SULT1C4: variants seen among roughly 807,000 people sequenced by gnomAD.
SULT1C4 encodes sulfotransferase family 1C member 4.
Under a neutral mutation model 34.8 loss-of-function variants are expected in SULT1C4, and 32 were observed. That is an observed-to-expected ratio of 0.92 (90% CI 0.69 to 1.23). The LOEUF is 1.23. Among genes scored for constraint, SULT1C4 ranks in the 50% most tolerant of loss-of-function variants. The probability of loss-of-function intolerance (pLI) is 0.00; values close to 1 mark genes in which losing one functional copy is unlikely to be tolerated. For synonymous variants in SULT1C4, 111 were observed against 120.5 expected (o/e 0.92, Z 0.51); for missense variants, 375 against 365.9 (o/e 1.02, Z -0.20).
chr2:108,383,315 T>C, intron 4 of SULT1C4, 96 bp downstream of exon 4: 1 of 1,588,898 alleles, frequency 6.3e-7, no homozygotes, highest in Non-Finnish European at 8.6e-7. Context: ...GGGCTCTGCC[T>C]TCTTTAATGG....
intron 2 of SULT1C4, 111 bp from the exon 3 acceptor site, chr2:108,382,274 A>G (rs754962261): frequency 5.8e-6 from 5 of 863,732 alleles, no homozygotes; most frequent in Non-Finnish European, 9.7e-6. Flanking sequence ...CTACAGTTAC[A>G]ATGTTCTTAT....
At position 108,383,182 on chromosome 2, in the gene SULT1C4, A is replaced by G. The variant is rs775494072; in HGVS notation, c.483A>G (p.Thr161=). The change falls in exon 4 of 7, where the codon ACA becomes ACG. Residue 161 remains threonine (T), a synonymous_variant. Transcript: ENST00000272452. The stretch of plus-strand genomic sequence containing the variant: ...ATAAAGCTCTTCCTGCTCCAGGAAC[A>G]TGGGAAGAGTATTTTGAGACTTTTC... The part of the protein sequence containing the change: ...RMNKALPAPG[T]WEEYFETFLA... 1 of 1,612,826 alleles carries G rather than the reference A, an allele frequency of 6.2e-7. No homozygotes were observed. Among genetic ancestry groups the G allele is most frequent in the Non-Finnish European group, 8.5e-7 (1 of 1,179,754 alleles).
intron 2 of SULT1C4, 199 bp from the exon 3 acceptor site, chr2:108,382,186 T>A: frequency 3.5e-6 from 2 of 570,934 alleles, no homozygotes; most frequent in South Asian, 5.6e-5. Context: ...TCTTATTTAT[T>A]TGGATGACTG....
Position 108,387,713 on chromosome 2 carries a change from G to A in SULT1C4, c.*281G>A, listed in dbSNP as rs150601086. ...TCATATTTACATTTTCTACAATCAT[G>A]TGCTTATTAACATATTGGAAATGCT... On this transcript the variant is annotated 3_prime_UTR_variant, in exon 7 of 7. Transcript: ENST00000272452. 2.3e-3 allele frequency: 709 copies of A among 308,606 alleles called. 7 individuals are homozygous for A. The highest frequency in any genetic ancestry group is 9.4e-3 in the South Asian group (125 of 13,342). 19.1% of individuals were successfully genotyped at this position (308,606 alleles called of 1,614,324 possible). A position where few individuals can be genotyped will look rare whatever the true frequency, so the allele number is the denominator to read the frequency against.
At chr2:108,380,422 AGAG>A (rs1476430942) in intron 1 of SULT1C4, among the ~76,000 whole-genome samples, 1 of 152,120 alleles carries the variant, frequency 6.6e-6, no homozygotes, top group African/African-American at 2.4e-5. Flanking sequence ...GGTTGAAGCA[AGAG>A]GACCATTGAG....
intron 5 of SULT1C4, among the ~76,000 whole-genome samples, chr2:108,384,849 GGT>G (rs1270225973): frequency 1.3e-5 from 2 of 152,288 alleles, no homozygotes; most frequent in Non-Finnish European, 2.9e-5. Context: ...ATACTCAACA[GGT>G]GCTTCACAGA....
intron 1 of SULT1C4, 103 bp downstream of exon 1, chr2:108,378,609 G>C (rs1479707094): frequency 1.5e-6 from 2 of 1,333,138 alleles, no homozygotes; most frequent in African/African-American, 2.9e-5. Flanking sequence ...GAAAACTCTG[G>C]ACAGAGTGAT....
rs1262491429 is a variant in SULT1C4 at position 108,388,397 on chromosome 2, T to A, written c.*965T>A. 6.6e-6 allele frequency among the ~76,000 whole-genome samples: 1 copy of A among 152,194 alleles called. No homozygotes were observed. Among genetic ancestry groups the A allele is most frequent in the Non-Finnish European group, 1.5e-5 (1 of 68,038 alleles). ...ATGTCAGAAAATCTGTCAGTTTTAA[T>A]CTACGAAATCTCTTAAAATATTTCC... On this transcript the variant is annotated 3_prime_UTR_variant, in exon 7 of 7. Coordinates refer to ENST00000272452, the MANE Select transcript of SULT1C4 (RefSeq NM_006588.4).
chr2:108,382,624 C>A (rs1325894284), intron 3 of SULT1C4, 142 bp downstream of exon 3: 2 of 705,864 alleles, frequency 2.8e-6, no homozygotes, highest in African/African-American at 1.8e-5. Context: ...TGAATCCTAG[C>A]CAGGCACGTT....
rs774425518 is a variant in SULT1C4, at chr2:108,386,194, C to T, written c.618C>T (p.Asn206=). 6.7e-7 allele frequency: 1 copy of T among 1,484,754 alleles called. No homozygotes were observed. The highest frequency in any genetic ancestry group is 1.4e-5 in the African/African-American group (1 of 70,724). The allele number at this position is 1,484,754 out of a possible 1,614,324, so 92.0% of individuals were successfully genotyped here. ...TTTTCTTTTGACTCTGATCATAGAA[C>T]CCAAAGCATGAAATTCAGAAGCTGG... The part of the protein sequence containing the change: ...LYLFYEDMKK[N]PKHEIQKLAE... Residue 206 remains asparagine (N), a splice_region_variant and synonymous_variant, in exon 6 of 7, where the codon AAC becomes AAT. Coordinates refer to ENST00000272452, the MANE Select transcript of SULT1C4 (RefSeq NM_006588.4).
chr2:108,381,788 GAATT>G lies in SULT1C4; in HGVS notation c.200_203del (p.Leu67TyrfsTer24). The G allele has an allele frequency of 1.4e-6, 2 of 1,445,834 alleles. No individual in the cohort carries two copies. The highest frequency in any genetic ancestry group is 5.2e-5 in the East Asian group (2 of 38,562). 89.6% of individuals were successfully genotyped at this position (1,445,834 alleles called of 1,614,324 possible). On this transcript the variant is annotated frameshift_variant, in exon 2 of 7. Coordinates refer to ENST00000272452, the MANE Select transcript of SULT1C4 (RefSeq NM_006588.4). LOFTEE classifies it high-confidence loss of function. The stretch of plus-strand genomic sequence containing the variant: ...AACAACATGGACTCAGGAGATAGTG[GAATT>G]AATACAAAATGAAGGTGATGTGGAG...
Position 108,378,444 on chromosome 2 carries a change from A to G in SULT1C4, c.107A>G (p.Asp36Gly). 6.2e-7 allele frequency: 1 copy of G among 1,614,184 alleles called. No individual in the cohort carries two copies. The highest frequency in any genetic ancestry group is 8.5e-7 in the Non-Finnish European group (1 of 1,180,036). The change falls in exon 1 of 7, where the codon GAT becomes GGT. Residue 36 changes from aspartate to glycine, a missense_variant. Coordinates refer to ENST00000272452, the MANE Select transcript of SULT1C4 (RefSeq NM_006588.4). Reference protein sequence around the residue: ...LQPTDTCDIWDKIWNFQAKPD... With the variant: ...LQPTDTCDIWGKIWNFQAKPD... ...CCGACAGACACCTGTGACATCTGGG[A>G]TAAGATCTGGAACTTCCAAGCCAAG... is the stretch of plus-strand genomic sequence containing the variant.
intron 5 of SULT1C4, among the ~76,000 whole-genome samples, chr2:108,384,058 C>T (rs112368184): frequency 6.6e-6 from 1 of 151,334 alleles, no homozygotes; most frequent in Non-Finnish European, 1.5e-5. Context: ...TAGTAGAAAC[C>T]GGGTTTCACC....
chr2:108,383,550 A>G, intron 5 of SULT1C4, 40 bp downstream of exon 5: 1 of 1,573,548 alleles, frequency 6.4e-7, no homozygotes, highest in Non-Finnish European at 8.7e-7. Flanking sequence ...ACTGGACCAT[A>G]AAACATTTAA....
Position 108,381,802 on chromosome 2 carries a change from T to A in SULT1C4, c.210T>A (p.Asn70Lys). 6.8e-7 allele frequency: 1 copy of A among 1,465,182 alleles called. No individual in the cohort carries two copies. The highest frequency in any genetic ancestry group is 9.0e-7 in the Non-Finnish European group (1 of 1,110,360). The allele number at this position is 1,465,182 out of a possible 1,614,324, so 90.8% of individuals were successfully genotyped here. The change falls in exon 2 of 7, where the codon AAT (asparagine) becomes AAA (lysine). Residue 70 changes from asparagine to lysine, a missense_variant. Physicochemically the swap from Asn to Lys is moderately conservative, Grantham distance 94. Coordinates refer to ENST00000272452, the MANE Select transcript of SULT1C4 (RefSeq NM_006588.4). ...AGGAGATAGTGGAATTAATACAAAA[T>A]GAAGGTGATGTGGAGAAAAGTAAAC... ...WTQEIVELIQ[N>K]EGDVEKSKRA...
intron 1 of SULT1C4, among the ~76,000 whole-genome samples, chr2:108,379,905 T>C (rs1176653759): frequency 3.9e-5 from 6 of 152,218 alleles, no homozygotes; most frequent in Non-Finnish European, 4.4e-5. Flanking sequence ...TTGGCTCATG[T>C]CTATAAATTC....
At chr2:108,383,273 A>G (rs2104345076) in intron 4 of SULT1C4, 54 bp downstream of exon 4, 2 of 1,598,892 alleles carry the variant, frequency 1.3e-6, no homozygotes, top group Non-Finnish European at 8.5e-7. Flanking sequence ...CAAACACCCT[A>G]GAAGGAAAGA....
chr2:108,387,532 T>C lies in SULT1C4; in HGVS notation c.*100T>C. On this transcript the variant is annotated 3_prime_UTR_variant, in exon 7 of 7. Coordinates refer to ENST00000272452, the MANE Select transcript of SULT1C4 (RefSeq NM_006588.4). ...AACAAATGATATCAGATTCCAGTTATCAGAATAGTTTACTGTGTTTGCTCT... is the reference window on the plus strand; with the variant it reads ...AACAAATGATATCAGATTCCAGTTACCAGAATAGTTTACTGTGTTTGCTCT... The C allele has an allele frequency of 1.2e-6, 1 of 800,630 alleles. No homozygotes were observed. The highest frequency in any genetic ancestry group is 2.0e-6 in the Non-Finnish European group (1 of 502,088). The allele number at this position is 800,630 out of a possible 1,614,324, so 49.6% of individuals were successfully genotyped here.
chr2:108,386,232 G>A lies in SULT1C4; in HGVS notation c.656G>A (p.Gly219Glu). Reference sequence around the variant, plus strand: ...ATTCAGAAGCTGGCAGAATTTATTGGGAAGAAATTAGATGACAAAGTTCTA... The same window carrying A: ...ATTCAGAAGCTGGCAGAATTTATTGAGAAGAAATTAGATGACAAAGTTCTA... Reference protein sequence around the residue: ...HEIQKLAEFIGKKLDDKVLDK... With the variant: ...HEIQKLAEFIEKKLDDKVLDK... The change falls in exon 6 of 7, where the codon GGG (glycine) becomes GAG (glutamate). Residue 219 changes from glycine to glutamate, a missense_variant. By Grantham distance (98) the Gly-to-Glu change is moderately conservative (BLOSUM62 -2). Transcript: ENST00000272452. 1.9e-6 allele frequency: 3 copies of A among 1,545,040 alleles called. No individual in the cohort carries two copies. Among genetic ancestry groups the A allele is most frequent in the Non-Finnish European group, 2.6e-6 (3 of 1,143,540 alleles).
Sources: gnomAD v4.1 joint callset for allele counts (sites outside exome capture counted in the v4.1 genomes callset) on GRCh38, gnomAD v4.1.1 for gene constraint, MANE v1.5 for transcripts, NCBI Gene and HGNC (gene_info 2026-07-23, HGNC 2026-07-21) for gene names.